SAR1B: variants seen among roughly 807,000 people sequenced by gnomAD.
SAR1B encodes secretion associated Ras related GTPase 1B.
SAR1B carries 23 observed loss-of-function variants against 26.8 expected under a neutral mutation model. The observed-to-expected ratio is 0.86, with a 90% CI of 0.62 to 1.22. The LOEUF is 1.22. Among genes scored for constraint, SAR1B ranks in the 50% most tolerant of loss-of-function variants. SAR1B has a pLI of 0.00. For synonymous variants in SAR1B, 65 were observed against 80.8 expected, an observed-to-expected ratio of 0.80 and a Z score of 1.05; for missense variants, 196 against 232.8, an observed-to-expected ratio of 0.84 and a Z score of 1.03.
chr5:134,607,006 G>A lies in SAR1B; in HGVS notation c.541C>T (p.Leu181Phe). ...RPLEVFMCSV[L>F]KRQGYGEGFR... ...CCTTCTCCGTAACCTTGTCTTTTGAGCACACTACACATGAAAACTTCTAAG... is the reference window on the plus strand; with the variant it reads ...CCTTCTCCGTAACCTTGTCTTTTGAACACACTACACATGAAAACTTCTAAG... The change falls in exon 7 of 7, where the codon CTC (leucine) becomes TTC (phenylalanine). Residue 181 changes from leucine to phenylalanine, a missense_variant. Coordinates refer to ENST00000402673, the MANE Select transcript of SAR1B (RefSeq NM_016103.4). The A allele has an allele frequency of 2.5e-6, 4 of 1,614,012 alleles. No homozygotes were observed. The highest frequency in any genetic ancestry group is 2.2e-5 in the East Asian group (1 of 44,878).
chr5:134,612,464 G>A (rs941136260), intron 4 of SAR1B, among the ~76,000 whole-genome samples: 2 of 151,216 alleles, frequency 1.3e-5, no homozygotes, highest in African/African-American at 4.9e-5. Flanking sequence ...CTTGAACGTG[G>A]CGAAATCCCA....
intron 5 of SAR1B, 151 bp downstream of exon 5, chr5:134,609,420 A>G (rs1765178480): frequency 5.8e-6 from 4 of 689,262 alleles, no homozygotes; most frequent in African/African-American, 3.5e-5. Flanking sequence ...CTAAGTAATC[A>G]CTACTTAAAG....
chr5:134,610,816 A>G (rs370071594), intron 4 of SAR1B, among the ~76,000 whole-genome samples: 2 of 152,046 alleles, frequency 1.3e-5, no homozygotes, highest in African/African-American at 2.4e-5. Context: ...ACTGAAGTCT[A>G]TGAAATCATA....
intron 6 of SAR1B, among the ~76,000 whole-genome samples, chr5:134,607,990 C>T (rs1351633521): frequency 5.3e-5 from 8 of 152,114 alleles, no homozygotes; most frequent in Admixed American, 3.9e-4. Context: ...TTCAGAAAAC[C>T]GTAAAATATT....
At position 134,607,067 on chromosome 5, in the gene SAR1B, C is replaced by T; in HGVS notation, c.481-1G>A. 1 of 1,570,374 alleles carries T rather than the reference C, an allele frequency of 6.4e-7. No individual in the cohort carries two copies. Among genetic ancestry groups the T allele is most frequent in the Non-Finnish European group, 8.8e-7 (1 of 1,140,196 alleles). On this transcript the variant is annotated splice_acceptor_variant, in intron 6 of 6. Transcript: ENST00000402673. LOFTEE classifies it high-confidence loss of function. ...TCAGTTCTTTCAGAGATATACTCCC[C>T]TAGAATAGAAGAGAGACATTTCGTT...
rs938293586 is a variant in SAR1B at position 134,605,363 on chromosome 5, T to C, written c.*1587A>G. 6.6e-6 allele frequency: 1 copy of C among 152,192 alleles called. No individual in the cohort carries two copies. The highest frequency in any genetic ancestry group is 1.5e-5 in the Non-Finnish European group (1 of 68,038). 9.4% of individuals were successfully genotyped at this position (152,192 alleles called of 1,614,324 possible). A position where few individuals can be genotyped will look rare whatever the true frequency, so the allele number is the denominator to read the frequency against. ...ACATTTTTGGCACTTACCTTTCATCTTATATTACTAATGATGGGAATCTCA... is the reference window on the plus strand; with the variant it reads ...ACATTTTTGGCACTTACCTTTCATCCTATATTACTAATGATGGGAATCTCA... On this transcript the variant is annotated 3_prime_UTR_variant, in exon 7 of 7. Transcript: ENST00000402673.
At chr5:134,611,356 C>T (rs1440863766) in intron 4 of SAR1B, among the ~76,000 whole-genome samples, 1 of 152,046 alleles carries the variant, frequency 6.6e-6, no homozygotes, top group African/African-American at 2.4e-5. Context: ...TTAGAATGCC[C>T]ACCAATTCGG....
Position 134,603,377 on chromosome 5 carries a change from A to G in SAR1B, c.*3573T>C, listed in dbSNP as rs1389553847. ...CTGTTTCTAATGATGGAACCTGTGA[A>G]ATGCTGGGTTTTGAATGTAGTTAAT... On this transcript the variant is annotated 3_prime_UTR_variant, in exon 7 of 7. Coordinates refer to ENST00000402673, the MANE Select transcript of SAR1B (RefSeq NM_016103.4). 6.6e-6 allele frequency: 1 copy of G among 152,262 alleles called. No homozygotes were observed. Among genetic ancestry groups the G allele is most frequent in the African/African-American group, 2.4e-5 (1 of 41,470 alleles). The allele number at this position is 152,262 out of a possible 1,614,324, so 9.4% of individuals were successfully genotyped here. A position where few individuals can be genotyped will look rare whatever the true frequency, so the allele number is the denominator to read the frequency against.
rs973779702 is a variant in SAR1B at position 134,612,851 on chromosome 5, C to T, written c.179-95G>A. 31 of 1,122,516 alleles carry T rather than the reference C, an allele frequency of 2.8e-5. No homozygotes were observed. In the Middle Eastern group the frequency reaches 6.8e-3, roughly 248 times the overall value. 69.5% of individuals were successfully genotyped at this position (1,122,516 alleles called of 1,614,324 possible). A position where few individuals can be genotyped will look rare whatever the true frequency, so the allele number is the denominator to read the frequency against. On this transcript the variant is annotated intron_variant, in intron 3 of 6. Coordinates refer to ENST00000402673, the MANE Select transcript of SAR1B (RefSeq NM_016103.4). ...AGGTTCCTTTTCAAAGACTTTCCTCCCCATCTAATTAAGAATAAATAGTAA... is the reference window on the plus strand; with the variant it reads ...AGGTTCCTTTTCAAAGACTTTCCTCTCCATCTAATTAAGAATAAATAGTAA...
At chr5:134,625,807 G>A (rs764645484) in intron 1 of SAR1B, 22 of 152,148 alleles carry the variant, frequency 1.4e-4, no homozygotes, top group African/African-American at 5.3e-4. Flanking sequence ...GATACAGACT[G>A]TGAATCAAGT....
chr5:134,612,055 T>A (rs1289220097), intron 4 of SAR1B, among the ~76,000 whole-genome samples: 1 of 152,162 alleles, frequency 6.6e-6, no homozygotes, highest in Admixed American at 6.6e-5. Context: ...ATCATAGAGA[T>A]CCTGAATGCC....
chr5:134,607,865 G>A (rs1319063291), intron 6 of SAR1B, among the ~76,000 whole-genome samples: 1 of 151,696 alleles, frequency 6.6e-6, no homozygotes, highest in Non-Finnish European at 1.5e-5. Context: ...GTAAATCTCT[G>A]GGGTTCTTCC....
chr5:134,618,606 A>C (rs917471418), intron 3 of SAR1B, among the ~76,000 whole-genome samples: 3 of 152,232 alleles, frequency 2.0e-5, no homozygotes, highest in African/African-American at 7.2e-5. Flanking sequence ...TCACAGGTTA[A>C]ATTAGGTTTC....
chr5:134,608,463 A>C lies in SAR1B; in HGVS notation c.389T>G (p.Leu130Arg). ...TCTGTCGATCTTATTCCCAAGAATCAGTATAGGCACATTAGCAATGGTTTC... is the reference window on the plus strand; with the variant it reads ...TCTGTCGATCTTATTCCCAAGAATCCGTATAGGCACATTAGCAATGGTTTC... ...TDETIANVPI[L>R]ILGNKIDRPE... The change falls in exon 6 of 7, where the codon CTG becomes CGG. Residue 130 changes from leucine to arginine, a missense_variant. By Grantham distance (102) the Leu-to-Arg change is moderately radical. Transcript: ENST00000402673. 6.2e-7 allele frequency: 1 copy of C among 1,612,506 alleles called. No individual in the cohort carries two copies. The highest frequency in any genetic ancestry group is 1.7e-5 in the Admixed American group (1 of 59,910).
chr5:134,609,787 T>C (rs893484237), intron 4 of SAR1B, 113 bp from the exon 5 acceptor site: 8 of 775,858 alleles, frequency 1.0e-5, no homozygotes, highest in Non-Finnish European at 1.8e-5. Flanking sequence ...TGCTGGTACT[T>C]CACAATATAT....
In SAR1B at chr5:134,620,162, C is replaced by T. The variant is rs771429769; in HGVS notation, c.178+771G>A. 2.2e-3 allele frequency among the ~76,000 whole-genome samples: 339 copies of T among 151,894 alleles called. 1 individual carries two copies. Among genetic ancestry groups the T allele is most frequent in the Non-Finnish European group, 8.2e-4 (56 of 67,960 alleles). On this transcript the variant is annotated intron_variant, in intron 3 of 6. Coordinates refer to ENST00000402673, the MANE Select transcript of SAR1B (RefSeq NM_016103.4). Reference sequence around the variant, plus strand: ...TCTACCGAAAATACAAAAAATTAGCCGGGCGTGGTGGTGGGTGCCTGTAGT... The same window carrying T: ...TCTACCGAAAATACAAAAAATTAGCTGGGCGTGGTGGTGGGTGCCTGTAGT...
chr5:134,614,699 CA>C, intron 3 of SAR1B: 1 of 152,296 alleles, frequency 6.6e-6, no homozygotes, highest in Non-Finnish European at 1.5e-5. Flanking sequence ...TCTGTCCTAG[CA>C]AAAAAATTCT....
At position 134,605,248 on chromosome 5, in the gene SAR1B, T is replaced by C. The variant is rs1428142294; in HGVS notation, c.*1702A>G. 6.6e-6 allele frequency: 1 copy of C among 152,198 alleles called. No individual in the cohort carries two copies. Among genetic ancestry groups the C allele is most frequent in the African/African-American group, 2.4e-5 (1 of 41,442 alleles). The allele number at this position is 152,198 out of a possible 1,614,324, so 9.4% of individuals were successfully genotyped here. ...CTACAGAAAACACTAATTTTTGATA[T>C]TAAAATTATTCTTGATGGAATTGGT... On this transcript the variant is annotated 3_prime_UTR_variant, in exon 7 of 7. Transcript: ENST00000402673.
At position 134,606,928 on chromosome 5, in the gene SAR1B, C is replaced by G. The variant is rs1765138075; in HGVS notation, c.*22G>C. On this transcript the variant is annotated 3_prime_UTR_variant, in exon 7 of 7. Coordinates refer to ENST00000402673, the MANE Select transcript of SAR1B (RefSeq NM_016103.4). ...TCTGAGTAAGCCTGAACGTTGAGAC[C>G]TGGAACCAATGTGAGTTTGTGTTAA... 2.0e-6 allele frequency: 3 copies of G among 1,500,210 alleles called. No individual in the cohort carries two copies. The highest frequency in any genetic ancestry group is 1.4e-5 in the African/African-American group (1 of 72,686). The allele number at this position is 1,500,210 out of a possible 1,614,324, so 92.9% of individuals were successfully genotyped here.
Sources: gnomAD v4.1 joint callset for allele counts (sites outside exome capture counted in the v4.1 genomes callset) on GRCh38, gnomAD v4.1.1 for gene constraint, MANE v1.5 for transcripts, NCBI Gene and HGNC (gene_info 2026-07-23, HGNC 2026-07-21) for gene names.